The following SEPTIN9 variants were observed in gnomAD, a reference collection of about 807,000 sequenced individuals.
SEPTIN9 encodes the protein septin 9.
In SEPTIN9, 13 loss-of-function variants were observed where a neutral mutation model predicts 56.6. The ratio of observed to expected loss-of-function variants is 0.23; its 90% confidence interval spans 0.15 to 0.37. The LOEUF (loss-of-function observed/expected upper bound fraction) is 0.37, where lower values mean the gene tolerates loss of function less well. Ranked by LOEUF, SEPTIN9 falls within the 10% of genes least tolerant of loss-of-function variation. The pLI is 1.00. For missense variants in SEPTIN9, 650 were observed against 823.1 expected (o/e 0.79, Z 2.57); for synonymous variants, 332 against 334.1 (o/e 0.99, Z 0.07).
At position 77,456,633 on chromosome 17, in the gene SEPTIN9, A is replaced by G. The variant is rs1024313977; in HGVS notation, c.722-25511A>G. On this transcript the variant is annotated intron_variant, in intron 3 of 11. Coordinates refer to ENST00000427177, the MANE Select transcript of SEPTIN9 (RefSeq NM_001113491.2). The surrounding 1 kb of genome is among the most constrained non-coding windows in gnomAD (Gnocchi z 6.0). ...CAGATCTCAGGGACCAGCACCGGGT[A>G]CCCACAGCCAGGGACAGGCCTCCAT... 3.4e-5 allele frequency: 5 copies of G among 147,784 alleles called. No individual in the cohort carries two copies. The highest frequency in any genetic ancestry group is 1.2e-4 in the African/African-American group (5 of 40,100). 9.2% of individuals were successfully genotyped at this position (147,784 alleles called of 1,614,324 possible). A position where few individuals can be genotyped will look rare whatever the true frequency, so the allele number is the denominator to read the frequency against.
rs964305605 is a variant in SEPTIN9 at position 77,340,986 on chromosome 17, G to C, written c.76+33789G>C. 4.6e-5 allele frequency among the ~76,000 whole-genome samples: 7 copies of C among 152,356 alleles called. 1 individual carries two copies. Among genetic ancestry groups the C allele is most frequent in the East Asian group, 1.9e-4 (1 of 5,194 alleles). On this transcript the variant is annotated intron_variant, in intron 2 of 11. Transcript: ENST00000427177. ...GGGCTTTGCCCTGGATTAGGCTTTT[G>C]TTTAAGGGAATGTTGTGGCTGATTT...
chr17:77,388,146 G>A (rs987147747), intron 2 of SEPTIN9, among the ~76,000 whole-genome samples: 2 of 152,234 alleles, frequency 1.3e-5, no homozygotes, highest in Admixed American at 6.5e-5. Context: ...CGCCCTGCCC[G>A]CTAGGTTTCC....
At chr17:77,404,061 T>G (rs2411110) in intron 3 of SEPTIN9, among the ~76,000 whole-genome samples, 48,682 of 152,062 alleles carry the variant, frequency 0.32, 8,595 homozygotes, top group Non-Finnish European at 0.4. Context: ...CTGGCTCATT[T>G]CACTCAGCAT....
intron 3 of SEPTIN9, among the ~76,000 whole-genome samples, chr17:77,438,017 C>T (rs2037410671): frequency 6.6e-6 from 1 of 152,230 alleles, no homozygotes; most frequent in African/African-American, 2.4e-5. Context: ...CAGCCCACGA[C>T]ACATCTGCTT....
rs1023746483 is a variant in SEPTIN9, at chr17:77,400,002, CAG to C, written c.77-2054_77-2053del. Reference sequence around the variant, plus strand: ...TATTTTTAGTTTTAGTTTGTGGAGACAGAGTCTCGCTCTGTCAGTCAGGCTGA... The same window carrying C: ...TATTTTTAGTTTTAGTTTGTGGAGACAGTCTCGCTCTGTCAGTCAGGCTGA... On this transcript the variant is annotated intron_variant, in intron 2 of 11. Coordinates refer to ENST00000427177, the MANE Select transcript of SEPTIN9 (RefSeq NM_001113491.2). This position sits in a 1 kb window ranked among gnomAD's most constrained non-coding sequence, Gnocchi z 4.1. 1.6e-4 allele frequency among the ~76,000 whole-genome samples: 24 copies of C among 152,240 alleles called. No individual in the cohort carries two copies. Among genetic ancestry groups the C allele is most frequent in the African/African-American group, 5.5e-4 (23 of 41,534 alleles).
At chr17:77,376,087 G>C in intron 2 of SEPTIN9, 6 of 986,314 alleles carry the variant, frequency 6.1e-6, no homozygotes, top group Non-Finnish European at 7.2e-6. Context: ...GGAGAAGTCA[G>C]TATGGAGGAG....
At chr17:77,404,725 A>G (rs979692675) in intron 3 of SEPTIN9, among the ~76,000 whole-genome samples, 4 of 151,942 alleles carry the variant, frequency 2.6e-5, no homozygotes, top group African/African-American at 9.7e-5. Context: ...TGCATTTCCT[A>G]CAGAGGGGGC....
chr17:77,399,613 G>A (rs1356415614), intron 2 of SEPTIN9, among the ~76,000 whole-genome samples: 4 of 152,184 alleles, frequency 2.6e-5, no homozygotes, highest in Admixed American at 2.6e-4. Flanking sequence ...TACGGGGGCG[G>A]TAATAATATT....
At chr17:77,442,563 A>G (rs2037587612) in intron 3 of SEPTIN9, among the ~76,000 whole-genome samples, 1 of 151,820 alleles carries the variant, frequency 6.6e-6, no homozygotes. Context: ...TAATAGGAAA[A>G]AAGGAAGGGG....
chr17:77,297,919 T>C (rs1217855525), intron 1 of SEPTIN9, among the ~76,000 whole-genome samples: 1 of 151,976 alleles, frequency 6.6e-6, no homozygotes. Flanking sequence ...TGAGTTGAGA[T>C]TGGGAAGACA....
chr17:77,456,464 G>A lies in SEPTIN9; in HGVS notation c.722-25680G>A, dbSNP rs2144455836. On this transcript the variant is annotated intron_variant, in intron 3 of 11. Coordinates refer to ENST00000427177, the MANE Select transcript of SEPTIN9 (RefSeq NM_001113491.2). This position sits in a 1 kb window ranked among gnomAD's most constrained non-coding sequence, Gnocchi z 6.0. ...ATTGCTGTTACCTGTCGCCTCTGTGGTTTTGCTGTCAGGATCCTCCAGCAC... is the reference window on the plus strand; with the variant it reads ...ATTGCTGTTACCTGTCGCCTCTGTGATTTTGCTGTCAGGATCCTCCAGCAC... The A allele has an allele frequency of 6.6e-6, 1 of 152,640 alleles. No homozygotes were observed. Among genetic ancestry groups the A allele is most frequent in the African/African-American group, 2.4e-5 (1 of 41,556 alleles). 9.5% of individuals were successfully genotyped at this position (152,640 alleles called of 1,614,324 possible).
chr17:77,477,413 C>T (rs142092915), intron 3 of SEPTIN9, among the ~76,000 whole-genome samples: 1,600 of 152,290 alleles, frequency 0.011, 11 homozygotes, highest in Non-Finnish European at 0.013. Context: ...ACTTTTTGTG[C>T]TTGGTTTCTT....
Position 77,327,008 on chromosome 17 carries a change from C to G in SEPTIN9, c.76+19811C>G, listed in dbSNP as rs1269216248. On this transcript the variant is annotated intron_variant, in intron 2 of 11. Transcript: ENST00000427177. This position sits in a 1 kb window ranked among gnomAD's most constrained non-coding sequence, Gnocchi z 5.0. ...TACCTTGCCCTACACATCTCTTCCC[C>G]TGTATCCTTTGTAATATCCTTTATA... 2.0e-5 allele frequency among the ~76,000 whole-genome samples: 3 copies of G among 152,096 alleles called. No individual in the cohort carries two copies. Among genetic ancestry groups the G allele is most frequent in the Non-Finnish European group, 2.9e-5 (2 of 68,004 alleles).
In SEPTIN9 at chr17:77,385,573, T is replaced by C. The variant is rs73373318; in HGVS notation, c.77-16486T>C. 5.9e-3 allele frequency among the ~76,000 whole-genome samples: 894 copies of C among 152,284 alleles called. 12 individuals carry two copies. Among genetic ancestry groups the C allele is most frequent in the African/African-American group, 0.021 (854 of 41,556 alleles). ...AAAATAAAAATAAATAAAAGTTTAC[T>C]GTCAAAAAGAAAAACACATCACCCA... is the stretch of plus-strand genomic sequence containing the variant. On this transcript the variant is annotated intron_variant, in intron 2 of 11. Transcript: ENST00000427177.
chr17:77,451,160 CTT>C lies in SEPTIN9; in HGVS notation c.722-30983_722-30982del, dbSNP rs2037951739. 6.3e-6 allele frequency: 1 copy of C among 159,594 alleles called. No individual in the cohort carries two copies. Among genetic ancestry groups the C allele is most frequent in the South Asian group, 2.0e-4 (1 of 4,950 alleles). The allele number at this position is 159,594 out of a possible 1,614,324, so 9.9% of individuals were successfully genotyped here. A position where few individuals can be genotyped will look rare whatever the true frequency, so the allele number is the denominator to read the frequency against. On this transcript the variant is annotated intron_variant, in intron 3 of 11. Transcript: ENST00000427177. The surrounding 1 kb of genome is among the most constrained non-coding windows in gnomAD (Gnocchi z 4.2). ...GGTCCCTGGGAGCCTCTTCCCCTCT[CTT>C]CTTCCTAGCAGCTCCCCCTCACTCT...
At position 77,318,881 on chromosome 17, in the gene SEPTIN9, C is replaced by T. The variant is rs1485714931; in HGVS notation, c.76+11684C>T. Among the ~76,000 whole-genome samples the T allele has an allele frequency of 2.0e-5, 3 of 152,160 alleles. No homozygotes were observed. Among genetic ancestry groups the T allele is most frequent in the Admixed American group, 1.3e-4 (2 of 15,284 alleles). On this transcript the variant is annotated intron_variant, in intron 2 of 11. Coordinates refer to ENST00000427177, the MANE Select transcript of SEPTIN9 (RefSeq NM_001113491.2). This position sits in a 1 kb window ranked among gnomAD's most constrained non-coding sequence, Gnocchi z 4.9. ...CAGGGATTGTAAACTCAGAGGCCTGCGGGGTGTGTCGAGGTAGAGGGGTGC... is the reference window on the plus strand; with the variant it reads ...CAGGGATTGTAAACTCAGAGGCCTGTGGGGTGTGTCGAGGTAGAGGGGTGC...
At chr17:77,348,301 T>TG (rs2143791348) in intron 2 of SEPTIN9, among the ~76,000 whole-genome samples, 1 of 143,966 alleles carries the variant, frequency 6.9e-6, no homozygotes, top group Admixed American at 6.9e-5. Context: ...TATGTTTTTT[T>TG]TTTTTTTTTT....
chr17:77,340,271 G>A (rs988142119), intron 2 of SEPTIN9, among the ~76,000 whole-genome samples: 1 of 151,902 alleles, frequency 6.6e-6, no homozygotes, highest in Non-Finnish European at 1.5e-5. Context: ...CTCCCAAGTA[G>A]CTGGAATTAC....
intron 2 of SEPTIN9, among the ~76,000 whole-genome samples, chr17:77,347,009 A>G (rs4789449): frequency 0.54 from 82,735 of 151,982 alleles, 23,387 homozygotes; most frequent in East Asian, 0.99. Context: ...TGTGAGCACT[A>G]CAATCTGTTT....
Sources: gnomAD v4.1 joint callset for allele counts (sites outside exome capture counted in the v4.1 genomes callset) on GRCh38, gnomAD v4.1.1 for gene constraint, Gnocchi (gnomAD v3.1) non-coding constraint, MANE v1.5 for transcripts, NCBI Gene and HGNC (gene_info 2026-07-23, HGNC 2026-07-21) for gene names.